The following SRFBP1 variants were observed in gnomAD, a reference collection of about 807,000 sequenced individuals.
The protein encoded by SRFBP1 is serum response factor-binding protein 1.
SRFBP1 carries 47 observed loss-of-function variants against 45.5 expected under a neutral mutation model. The observed-to-expected ratio is 1.03, with a 90% CI of 0.82 to 1.32. The LOEUF is 1.32. Among genes scored for constraint, SRFBP1 ranks in the 40% most tolerant of loss-of-function variants. SRFBP1 has a pLI of 0.00. For missense variants in SRFBP1, 621 were observed against 484.6 expected, an observed-to-expected ratio of 1.28 and a Z score of -2.64; for synonymous variants, 203 against 166.3, an observed-to-expected ratio of 1.22 and a Z score of -1.70.
chr5:122,058,309 T>C (rs961348905), intron 2 of SRFBP1, among the ~76,000 whole-genome samples: 54 of 152,148 alleles, frequency 3.5e-4, no homozygotes, highest in African/African-American at 1.3e-3. Flanking sequence ...AAAAGTACAG[T>C]TTTTAATTGG....
intron 3 of SRFBP1, among the ~76,000 whole-genome samples, chr5:121,982,468 A>G (rs940014144): frequency 1.3e-5 from 2 of 151,942 alleles, no homozygotes; most frequent in African/African-American, 4.8e-5. Context: ...TTTAATATAT[A>G]GGAGTCATGA....
At chr5:121,968,583 A>G (rs546339968) in intron 1 of SRFBP1, among the ~76,000 whole-genome samples, 1 of 152,136 alleles carries the variant, frequency 6.6e-6, no homozygotes, top group East Asian at 1.9e-4. Context: ...TATATACGTT[A>G]TTTTCTCTCT....
intron 4 of SRFBP1, among the ~76,000 whole-genome samples, chr5:122,016,771 G>A (rs955030674): frequency 2.6e-5 from 4 of 152,104 alleles, no homozygotes; most frequent in African/African-American, 9.7e-5. Flanking sequence ...CTCAGCAGCA[G>A]GTTGAAGAAA....
chr5:122,005,782 T>C (rs1239789835), intron 4 of SRFBP1, among the ~76,000 whole-genome samples: 1 of 152,148 alleles, frequency 6.6e-6, no homozygotes, highest in African/African-American at 2.4e-5. Flanking sequence ...TAGTGGCTAC[T>C]TTGATCATAT....
At chr5:122,043,388 G>C (rs1371480506) in intron 2 of SRFBP1, among the ~76,000 whole-genome samples, 1 of 151,992 alleles carries the variant, frequency 6.6e-6, no homozygotes, top group Non-Finnish European at 1.5e-5. Flanking sequence ...GCTAGGTTTT[G>C]TATTTTTAGC....
chr5:122,070,054 G>T (rs1754405507), intron 2 of SRFBP1: 1 of 1,602,110 alleles, frequency 6.2e-7, no homozygotes, highest in Non-Finnish European at 8.6e-7. Flanking sequence ...AACACTTACG[G>T]TGAAATTGTG....
intron 4 of SRFBP1, among the ~76,000 whole-genome samples, chr5:122,017,432 C>G (rs904735431): frequency 1.3e-5 from 2 of 152,006 alleles, no homozygotes; most frequent in African/African-American, 2.4e-5. Flanking sequence ...TCTCTGTGCC[C>G]CTATATCAAA....
In SRFBP1 at chr5:122,053,372, G is replaced by T. The variant is rs527516795; in HGVS notation, n.312-21943G>T. On this transcript the variant is annotated intron_variant and non_coding_transcript_variant, in intron 2 of 2. Coordinates refer to the SRFBP1 transcript ENST00000504881. ...ACTTCAGAGCCGGAAGCTTTAGCAG[G>T]TGTTGCCTGCCTGGCTGCCAGGGGT... Among the ~76,000 whole-genome samples the T allele has an allele frequency of 7.2e-5, 11 of 152,290 alleles. No homozygotes were observed. In the South Asian group the frequency reaches 1.9e-3, roughly 26 times the overall value.
chr5:122,051,531 T>G (rs772876529), intron 2 of SRFBP1, among the ~76,000 whole-genome samples: 1 of 151,902 alleles, frequency 6.6e-6, no homozygotes, highest in Non-Finnish European at 1.5e-5. Context: ...TTTTTTTTTT[T>G]AATCATTGTT....
chr5:121,991,541 G>A (rs1231546983), intron 3 of SRFBP1, among the ~76,000 whole-genome samples: 4 of 152,082 alleles, frequency 2.6e-5, no homozygotes, highest in African/African-American at 9.7e-5. Context: ...AATATTTAAG[G>A]TGCTATCTGT....
chr5:122,023,887 A>T (rs1304745591), intron 7 of SRFBP1, among the ~76,000 whole-genome samples: 1 of 152,178 alleles, frequency 6.6e-6, no homozygotes, highest in African/African-American at 2.4e-5. Flanking sequence ...GCTAGTTCTC[A>T]AACTTGTCTT....
At chr5:122,046,066 CT>C (rs1330024854) in intron 2 of SRFBP1, among the ~76,000 whole-genome samples, 1 of 151,880 alleles carries the variant, frequency 6.6e-6, no homozygotes, top group Non-Finnish European at 1.5e-5. Context: ...TTTAATTATA[CT>C]TTAAGTTTTA....
chr5:122,051,766 T>A (rs1435444304), intron 2 of SRFBP1, among the ~76,000 whole-genome samples: 1 of 152,182 alleles, frequency 6.6e-6, no homozygotes, highest in African/African-American at 2.4e-5. Flanking sequence ...AAGGCGAATA[T>A]TGATATGTGT....
At chr5:122,030,468 CATT>C (rs1291791647), downstream of SRFBP1, among the ~76,000 whole-genome samples, 4 of 152,116 alleles carry the variant, frequency 2.6e-5, no homozygotes, top group African/African-American at 9.7e-5. Context: ...TGAGTACTGT[CATT>C]ATTTGACCTG....
intron 2 of SRFBP1, among the ~76,000 whole-genome samples, chr5:122,049,987 A>C (rs1459629204): frequency 1.3e-5 from 2 of 152,120 alleles, no homozygotes. Flanking sequence ...CCTTTTCTGC[A>C]TCTATTTAGA....
intron 3 of SRFBP1, among the ~76,000 whole-genome samples, chr5:121,977,082 G>A (rs1274560373): frequency 1.3e-5 from 2 of 151,870 alleles, no homozygotes; most frequent in African/African-American, 4.8e-5. Context: ...TCTGTTTCTT[G>A]TTTTGAATCT....
At chr5:121,967,343 TA>T (rs1411601437) in intron 1 of SRFBP1, among the ~76,000 whole-genome samples, 1 of 152,184 alleles carries the variant, frequency 6.6e-6, no homozygotes, top group Non-Finnish European at 1.5e-5. Context: ...GGCATTTCCG[TA>T]AGAACCAATT....
intron 1 of SRFBP1, among the ~76,000 whole-genome samples, chr5:121,966,946 A>ATTTTTTTTTT (rs34687337): frequency 4.0e-4 from 46 of 114,630 alleles, no homozygotes; most frequent in Non-Finnish European, 4.8e-4. Flanking sequence ...CGCCCAGCTA[A>ATTTTTTTTTT]TTTTTTTTTT....
chr5:121,969,767 C>G (rs1752149734), intron 1 of SRFBP1, among the ~76,000 whole-genome samples: 1 of 152,064 alleles, frequency 6.6e-6, no homozygotes, highest in South Asian at 2.1e-4. Flanking sequence ...TTGGCTTAAT[C>G]AGTCTTGTTG....
Sources: gnomAD v4.1 joint callset for allele counts (sites outside exome capture counted in the v4.1 genomes callset) on GRCh38, gnomAD v4.1.1 for gene constraint, MANE v1.5 for transcripts, NCBI Gene and HGNC (gene_info 2026-07-23, HGNC 2026-07-21) for gene names.